The following ZSWIM2 variants were observed in gnomAD, a reference collection of about 807,000 sequenced individuals.
The protein encoded by ZSWIM2 is zinc finger SWIM-type containing 2.
Under a neutral mutation model 48.4 loss-of-function variants are expected in ZSWIM2, and 38 were observed. The observed-to-expected ratio is 0.79, with a 90% CI of 0.61 to 1.03. The LOEUF (loss-of-function observed/expected upper bound fraction) is 1.03. Ranked by LOEUF, ZSWIM2 falls within the 50% of genes least tolerant of loss-of-function variation. ZSWIM2 has a pLI of 0.00. For synonymous variants in ZSWIM2, 240 were observed against 251.3 expected, an observed-to-expected ratio of 0.96 and a Z score of 0.42; for missense variants, 776 against 730.2, an observed-to-expected ratio of 1.06 and a Z score of -0.72.
At chr2:186,829,622 T>C in intron 8 of ZSWIM2, 105 bp downstream of exon 8, 2 of 1,183,104 alleles carry the variant, frequency 1.7e-6, no homozygotes, top group Non-Finnish European at 2.4e-6. Context: ...TGAACACCTC[T>C]GTACAGAGCA....
intron 2 of ZSWIM2, among the ~76,000 whole-genome samples, chr2:186,845,327 TACA>T (rs1402957577): frequency 1.3e-5 from 2 of 151,562 alleles, no homozygotes; most frequent in East Asian, 3.9e-4. Context: ...TACAATATTG[TACA>T]ACATGAGTTA....
intron 3 of ZSWIM2, among the ~76,000 whole-genome samples, chr2:186,843,319 C>T (rs1030715664): frequency 3.3e-5 from 5 of 151,452 alleles, no homozygotes; most frequent in Non-Finnish European, 5.9e-5. Context: ...CTAGTCATCA[C>T]GCATGAAGGG....
intron 2 of ZSWIM2, 67 bp from the exon 3 acceptor site, chr2:186,844,824 A>G (rs889404963): frequency 1.5e-6 from 2 of 1,296,406 alleles, no homozygotes; most frequent in African/African-American, 3.1e-5. Context: ...AGACATTTAA[A>G]AATATTTAGA....
Position 186,844,757 on chromosome 2 carries a change from C to G in ZSWIM2, c.243G>C (p.Trp81Cys), listed in dbSNP as rs1691966239. 6.4e-7 allele frequency: 1 copy of G among 1,555,022 alleles called. No individual in the cohort carries two copies. Among genetic ancestry groups the G allele is most frequent in the African/African-American group, 1.4e-5 (1 of 70,874 alleles). ...GAAGCTTGAATTTTTTCAACAAGACCCTAACATTCACAAGTAGAAAAAAAA... is the reference window on the plus strand; with the variant it reads ...GAAGCTTGAATTTTTTCAACAAGACGCTAACATTCACAAGTAGAAAAAAAA... The part of the protein sequence containing the change: ...KGGELCKHIC[W>C]VLLKKFKLPR... Residue 81 changes from tryptophan (W) to cysteine (C), a missense_variant and splice_region_variant, in exon 3 of 9, where the codon TGG (tryptophan) becomes TGC (cysteine). By Grantham distance (215) the Trp-to-Cys change is radical. Coordinates refer to ENST00000295131, the MANE Select transcript of ZSWIM2 (RefSeq NM_182521.3).
At chr2:186,843,819 TA>T (rs1441783309) in intron 3 of ZSWIM2, among the ~76,000 whole-genome samples, 1 of 151,436 alleles carries the variant, frequency 6.6e-6, no homozygotes, top group Non-Finnish European at 1.5e-5. Flanking sequence ...GAGACATTTC[TA>T]AAAAAATATG....
At chr2:186,828,929 G>T in intron 8 of ZSWIM2, 139 bp from the exon 9 acceptor site, 1 of 566,816 alleles carries the variant, frequency 1.8e-6, no homozygotes, top group Non-Finnish European at 2.7e-6. Context: ...CAAGTTTTAT[G>T]AAAATATTTT....
chr2:186,830,454 A>T (rs1365334539), intron 7 of ZSWIM2, among the ~76,000 whole-genome samples: 2 of 152,170 alleles, frequency 1.3e-5, no homozygotes, highest in Non-Finnish European at 2.9e-5. Context: ...TTTGAGTCGC[A>T]CTTTAATGTC....
In ZSWIM2 at chr2:186,833,961, C is replaced by T. The variant is rs750447167; in HGVS notation, c.813G>A (p.Thr271=). 28 of 1,612,868 alleles carry T rather than the reference C, an allele frequency of 1.7e-5. No individual in the cohort carries two copies. Among genetic ancestry groups the T allele is most frequent in the African/African-American group, 2.7e-5 (2 of 74,908 alleles). Residue 271 remains threonine (T), a synonymous_variant, in exon 6 of 9, where the codon ACG becomes ACA. Coordinates refer to ENST00000295131, the MANE Select transcript of ZSWIM2 (RefSeq NM_182521.3). The part of the protein sequence containing the change: ...CFDSCCHLSH[T]FTFREKRNQK... ...GATACTGTACCTCACGAAATGTAAA[C>T]GTGTGGGAAAGATGGCAGCAGCTAT...
chr2:186,844,436 A>C, intron 3 of ZSWIM2, among the ~76,000 whole-genome samples: 1 of 151,528 alleles, frequency 6.6e-6, no homozygotes, highest in Non-Finnish European at 1.5e-5. Flanking sequence ...CTTTTCTTAG[A>C]ATACATAAAT....
intron 7 of ZSWIM2, among the ~76,000 whole-genome samples, chr2:186,830,863 C>T (rs149151642): frequency 2.3e-4 from 35 of 152,196 alleles, no homozygotes; most frequent in Non-Finnish European, 5.0e-4. Context: ...AGGTCAGATG[C>T]ATTCCTATCA....
intron 7 of ZSWIM2, among the ~76,000 whole-genome samples, chr2:186,832,536 A>G (rs1038127320): frequency 1.3e-5 from 2 of 152,264 alleles, no homozygotes; most frequent in African/African-American, 4.8e-5. Flanking sequence ...TCTTCTTCCA[A>G]CAGGGTGAAG....
intron 7 of ZSWIM2, among the ~76,000 whole-genome samples, chr2:186,830,604 A>G (rs1691680887): frequency 6.6e-6 from 1 of 152,050 alleles, no homozygotes. Context: ...TAAATATTCC[A>G]GGCTACTATG....
intron 8 of ZSWIM2, among the ~76,000 whole-genome samples, 175 bp downstream of exon 8, chr2:186,829,552 G>A (rs571180160): frequency 4.2e-4 from 64 of 151,834 alleles, no homozygotes; most frequent in African/African-American, 1.4e-3. Context: ...ACATCCTCAG[G>A]GAGAAAGCTG....
intron 3 of ZSWIM2, 36 bp from the exon 4 acceptor site, chr2:186,839,205 T>C (rs745510460): frequency 1.3e-6 from 2 of 1,595,086 alleles, no homozygotes; most frequent in South Asian, 2.2e-5. Flanking sequence ...AATCCAGTCA[T>C]AAAATTGGAG....
In ZSWIM2 at chr2:186,837,535, T is replaced by C; in HGVS notation, c.514A>G (p.Ile172Val). Residue 172 changes from isoleucine (I) to valine (V), a missense_variant, in exon 5 of 9, where the codon ATT becomes GTT. Physicochemically the swap from Ile to Val is conservative, Grantham distance 29. Transcript: ENST00000295131. ...TFCRFGCGNS[I>V]HIKCMKILAN... Reference sequence around the variant, plus strand: ...AAGATCTTCATGCATTTTATATGAATACTATTGCCACAGCCAAACCTATGA... The same window carrying C: ...AAGATCTTCATGCATTTTATATGAACACTATTGCCACAGCCAAACCTATGA... The C allele has an allele frequency of 1.2e-6, 2 of 1,610,340 alleles. No individual in the cohort carries two copies. The highest frequency in any genetic ancestry group is 1.7e-4 in the Middle Eastern group (1 of 6,028).
chr2:186,829,074 C>A (rs1268169260), intron 8 of ZSWIM2, among the ~76,000 whole-genome samples: 1 of 152,132 alleles, frequency 6.6e-6, no homozygotes, highest in East Asian at 1.9e-4. Context: ...TTCACTGCTA[C>A]TTATTTCTAA....
At chr2:186,835,660 T>C (rs1691780706) in intron 5 of ZSWIM2, among the ~76,000 whole-genome samples, 1 of 152,170 alleles carries the variant, frequency 6.6e-6, no homozygotes, top group Non-Finnish European at 1.5e-5. Context: ...ATTCTGAAAT[T>C]CTGATGAAGA....
chr2:186,833,448 CAA>C (rs1559112489), intron 6 of ZSWIM2, among the ~76,000 whole-genome samples: 1 of 151,962 alleles, frequency 6.6e-6, no homozygotes, highest in African/African-American at 2.4e-5. Context: ...TAAAAAATAA[CAA>C]TAATTGTGTA....
chr2:186,829,635 A>C (rs757021273), intron 8 of ZSWIM2, 92 bp downstream of exon 8: 4 of 1,349,134 alleles, frequency 3.0e-6, no homozygotes, highest in Non-Finnish European at 4.1e-6. Context: ...ACAGAGCACA[A>C]CTCAAAAGTA....
Sources: allele counts gnomAD v4.1 joint callset (sites outside exome capture counted in the v4.1 genomes callset), GRCh38; gene constraint gnomAD v4.1.1; transcripts MANE v1.5; gene names NCBI Gene and HGNC (gene_info 2026-07-23, HGNC 2026-07-21).